The following NMNAT2 variants were observed in gnomAD, a reference collection of about 807,000 sequenced individuals.
NMNAT2 encodes the protein nicotinamide/nicotinic acid mononucleotide adenylyltransferase 2.
NMNAT2 carries 11 observed loss-of-function variants against 41.6 expected under a neutral mutation model. The ratio of observed to expected loss-of-function variants is 0.26; its 90% CI spans 0.17 to 0.44. The LOEUF (loss-of-function observed/expected upper bound fraction) is 0.44, where lower values mean the gene tolerates loss of function less well. Among genes scored for constraint, NMNAT2 ranks in the 20% least tolerant of loss-of-function variants. The pLI, the probability that NMNAT2 is intolerant of heterozygous loss-of-function variation, is 1.00. For synonymous variants in NMNAT2, 148 were observed against 151.2 expected (o/e 0.98, Z 0.16); for missense variants, 288 against 407.7 (o/e 0.71, Z 2.53).
intron 1 of NMNAT2, among the ~76,000 whole-genome samples, chr1:183,408,640 A>T (rs993284244): frequency 1.3e-5 from 2 of 152,202 alleles, no homozygotes; most frequent in Non-Finnish European, 2.9e-5. Context: ...GAAAAAATGG[A>T]GTGATAGGAA....
chr1:183,278,659 G>A (rs753605841), intron 7 of NMNAT2, 30 bp from the exon 8 acceptor site: 15 of 1,525,786 alleles, frequency 9.8e-6, no homozygotes, highest in Non-Finnish European at 1.3e-5. Flanking sequence ...TTTGCAAAGG[G>A]AGTAAGTGGT....
intron 1 of NMNAT2, among the ~76,000 whole-genome samples, chr1:183,315,810 A>G (rs1027930792): frequency 6.6e-6 from 1 of 151,794 alleles, no homozygotes; most frequent in Admixed American, 6.6e-5. Flanking sequence ...AGAATGCCTA[A>G]TGTAGATGAC....
intron 1 of NMNAT2, among the ~76,000 whole-genome samples, chr1:183,326,375 C>CAAAAA (rs58330585): frequency 1.4e-5 from 1 of 69,154 alleles, no homozygotes; most frequent in Non-Finnish European, 2.5e-5. Context: ...GACTCCATCT[C>CAAAAA]AAAAAAAAAA....
At chr1:183,416,629 A>C (rs905655846) in intron 1 of NMNAT2, among the ~76,000 whole-genome samples, 2 of 152,160 alleles carry the variant, frequency 1.3e-5, no homozygotes, top group South Asian at 4.1e-4. Flanking sequence ...TTGAAAGCTG[A>C]AGGAATGGTG....
At chr1:183,384,555 C>T (rs541193969) in intron 1 of NMNAT2, among the ~76,000 whole-genome samples, 4 of 152,240 alleles carry the variant, frequency 2.6e-5, no homozygotes, top group South Asian at 4.2e-4. Flanking sequence ...ATCACAAGAA[C>T]GGCAAGGGGA....
At chr1:183,379,631 TA>T (rs1337672721) in intron 1 of NMNAT2, among the ~76,000 whole-genome samples, 3 of 152,028 alleles carry the variant, frequency 2.0e-5, no homozygotes, top group Non-Finnish European at 2.9e-5. Flanking sequence ...TTATCAAGAA[TA>T]AAAAGAGACA....
At position 183,290,065 on chromosome 1, in the gene NMNAT2, G is replaced by A. The variant is rs1341073358; in HGVS notation, c.321+63C>T. On this transcript the variant is annotated intron_variant, in intron 4 of 10. Coordinates refer to ENST00000287713, the MANE Select transcript of NMNAT2 (RefSeq NM_015039.4). Reference sequence around the variant, plus strand: ...TCCTCTCCCTGCCTGGTTTCTGTGGGTCCAGCCCCTTCCGCCCTTGCACTC... The same window carrying A: ...TCCTCTCCCTGCCTGGTTTCTGTGGATCCAGCCCCTTCCGCCCTTGCACTC... 5 of 1,362,836 alleles carry A rather than the reference G, an allele frequency of 3.7e-6. No homozygotes were observed. In the Admixed American group the frequency reaches 6.1e-5, roughly 17 times the overall value. 84.4% of individuals were successfully genotyped at this position (1,362,836 alleles called of 1,614,324 possible).
chr1:183,342,977 A>G (rs1221608508), intron 1 of NMNAT2, among the ~76,000 whole-genome samples: 1 of 151,858 alleles, frequency 6.6e-6, no homozygotes, highest in Non-Finnish European at 1.5e-5. Flanking sequence ...GCCTCAAACA[A>G]TCCTCCCACC....
At chr1:183,279,558 G>C (rs1395895171) in intron 7 of NMNAT2, among the ~76,000 whole-genome samples, 4 of 152,226 alleles carry the variant, frequency 2.6e-5, no homozygotes, top group Non-Finnish European at 5.9e-5. Context: ...CTGGGGCCCT[G>C]AGGCCCAGGC....
chr1:183,417,434 G>A (rs2101935715), intron 1 of NMNAT2, among the ~76,000 whole-genome samples: 1 of 152,218 alleles, frequency 6.6e-6, no homozygotes, highest in East Asian at 1.9e-4. Flanking sequence ...ACCCTGGGCA[G>A]AGCCTCAGCC....
At chr1:183,373,352 C>T (rs914295969) in intron 1 of NMNAT2, among the ~76,000 whole-genome samples, 1 of 152,202 alleles carries the variant, frequency 6.6e-6, no homozygotes, top group Non-Finnish European at 1.5e-5. Flanking sequence ...TTACATGGGA[C>T]TTCATACACC....
At chr1:183,389,756 GAAAGAAAGAAAGAA>G (rs1557897481) in intron 1 of NMNAT2, among the ~76,000 whole-genome samples, 1,615 of 26,850 alleles carry the variant, frequency 0.06, 59 homozygotes, top group Middle Eastern at 0.16. Context: ...AAGAAAGAAA[GAAAGAAAGAAAGAA>G]AGAAAGAAAG....
chr1:183,388,187 A>AT (rs1648318133), intron 1 of NMNAT2, among the ~76,000 whole-genome samples: 1 of 152,222 alleles, frequency 6.6e-6, no homozygotes, highest in South Asian at 2.1e-4. Flanking sequence ...GGACCTAACC[A>AT]TTAGGCTCTC....
chr1:183,385,024 T>A (rs1195423779), intron 1 of NMNAT2, among the ~76,000 whole-genome samples: 2 of 151,666 alleles, frequency 1.3e-5, no homozygotes, highest in African/African-American at 4.8e-5. Flanking sequence ...AGTGAGACCC[T>A]GTCTCTACAA....
intron 8 of NMNAT2, among the ~76,000 whole-genome samples, chr1:183,269,105 G>C (rs2102288625): frequency 6.6e-6 from 1 of 152,216 alleles, no homozygotes; most frequent in Admixed American, 6.5e-5. Flanking sequence ...ACATCAAATA[G>C]AGTTAAGTAC....
intron 1 of NMNAT2, among the ~76,000 whole-genome samples, chr1:183,307,991 T>C (rs1662034509): frequency 1.3e-5 from 2 of 152,140 alleles, no homozygotes. Flanking sequence ...TGTGTTTGGA[T>C]GATGGATGGG....
chr1:183,397,564 G>A (rs576439709), intron 1 of NMNAT2, among the ~76,000 whole-genome samples: 2 of 152,072 alleles, frequency 1.3e-5, no homozygotes, highest in Non-Finnish European at 2.9e-5. Context: ...TACAAAGAAC[G>A]CCACAAAGAC....
intron 3 of NMNAT2, chr1:183,290,744 A>G (rs1661518937): frequency 6.6e-6 from 1 of 152,308 alleles, no homozygotes; most frequent in Admixed American, 6.5e-5. Flanking sequence ...AACCCTCGAG[A>G]ATCAGTCTTC....
intron 1 of NMNAT2, among the ~76,000 whole-genome samples, chr1:183,304,506 AT>A (rs1240147742): frequency 3.3e-5 from 5 of 152,194 alleles, no homozygotes; most frequent in Non-Finnish European, 5.9e-5. Context: ...CTGGGCTTAC[AT>A]GCATATAGGG....
Sources: gnomAD v4.1 joint callset for allele counts (sites outside exome capture counted in the v4.1 genomes callset) on GRCh38, gnomAD v4.1.1 for gene constraint, MANE v1.5 for transcripts, NCBI Gene and HGNC (gene_info 2026-07-23, HGNC 2026-07-21) for gene names.